Variants in CHSY3 observed in about 807,000 individuals in gnomAD.
CHSY3 encodes the protein chondroitin sulfate synthase 3.
A neutral mutation model predicts 67.2 loss-of-function variants in CHSY3; 35 were observed. The observed-to-expected ratio is 0.52, with a 90% CI of 0.40 to 0.69. The LOEUF is 0.69. Among genes scored for constraint, CHSY3 ranks in the 30% least tolerant of loss-of-function variants. The pLI is 0.00. For missense variants in CHSY3, 1,069 were observed against 1,138.5 expected, an observed-to-expected ratio of 0.94 and a Z score of 0.88; for synonymous variants, 474 against 434.7, an observed-to-expected ratio of 1.09 and a Z score of -1.12.
intron 2 of CHSY3, among the ~76,000 whole-genome samples, chr5:129,999,251 A>T (rs942827704): frequency 5.3e-5 from 8 of 151,872 alleles, no homozygotes; most frequent in Non-Finnish European, 8.8e-5. Flanking sequence ...ATACATATAC[A>T]CCCAACCTTT....
intron 2 of CHSY3, among the ~76,000 whole-genome samples, chr5:130,143,348 G>T (rs981875672): frequency 1.3e-5 from 2 of 152,052 alleles, no homozygotes; most frequent in Admixed American, 6.6e-5. Flanking sequence ...ATGAGACAAA[G>T]GGATTTTTAA....
chr5:130,147,441 A>T (rs750318611), intron 2 of CHSY3, among the ~76,000 whole-genome samples: 3 of 152,194 alleles, frequency 2.0e-5, no homozygotes, highest in Non-Finnish European at 4.4e-5. Flanking sequence ...TCATAGAAAG[A>T]TTAAATGCCT....
intron 2 of CHSY3, among the ~76,000 whole-genome samples, chr5:130,061,885 A>G (rs965238396): frequency 4.7e-5 from 7 of 148,026 alleles, no homozygotes; most frequent in African/African-American, 1.9e-4. Context: ...GGCTATTATT[A>G]AAAAGTCAAA....
At chr5:130,143,792 A>G (rs1317365866) in intron 2 of CHSY3, among the ~76,000 whole-genome samples, 16 of 88,272 alleles carry the variant, frequency 1.8e-4, no homozygotes, top group African/African-American at 6.8e-4. Flanking sequence ...GTGTATATAT[A>G]TATATATATA....
At position 130,148,214 on chromosome 5, in the gene CHSY3, T is replaced by G. The variant is rs1252830176; in HGVS notation, c.1087-36015T>G. On this transcript the variant is annotated intron_variant, in intron 2 of 2. Transcript: ENST00000305031. ...TGGTCTCTAGCTCCGTTCATGTTCC[T>G]GCAAAGTACATGATCCCATTCTTTT... 2.0e-5 allele frequency among the ~76,000 whole-genome samples: 3 copies of G among 152,228 alleles called. No individual in the cohort carries two copies. In the East Asian group the frequency reaches 5.8e-4, roughly 29 times the overall value.
At chr5:130,149,873 C>A (rs899507748) in intron 2 of CHSY3, among the ~76,000 whole-genome samples, 5 of 152,014 alleles carry the variant, frequency 3.3e-5, no homozygotes, top group African/African-American at 1.2e-4. Context: ...ATGAATTATG[C>A]TTGAAAATTT....
At chr5:130,148,348 C>T (rs148960475) in intron 2 of CHSY3, among the ~76,000 whole-genome samples, 20 of 152,140 alleles carry the variant, frequency 1.3e-4, no homozygotes, top group Admixed American at 2.6e-4. Context: ...TTAATAGTGC[C>T]GCAGTGAACA....
intron 2 of CHSY3, among the ~76,000 whole-genome samples, chr5:130,132,184 C>G (rs1768504091): frequency 6.6e-6 from 1 of 152,070 alleles, no homozygotes; most frequent in Admixed American, 6.6e-5. Context: ...TCTTGTAAAC[C>G]CAGAGTGTCT....
intron 2 of CHSY3, among the ~76,000 whole-genome samples, chr5:130,045,669 C>A (rs753482982): frequency 6.6e-6 from 1 of 152,000 alleles, no homozygotes; most frequent in African/African-American, 2.4e-5. Context: ...ATGCCATTGC[C>A]CTGGAACTAC....
chr5:129,905,746 G>C, intron 1 of CHSY3, 115 bp downstream of exon 1: 1 of 1,517,698 alleles, frequency 6.6e-7, no homozygotes, highest in Non-Finnish European at 8.8e-7. Context: ...CGTGCTTCGG[G>C]CTCCCACAGG....
intron 2 of CHSY3, among the ~76,000 whole-genome samples, chr5:130,082,858 G>T (rs1339531171): frequency 6.6e-6 from 1 of 151,338 alleles, no homozygotes; most frequent in African/African-American, 2.4e-5. Context: ...CTATATATAT[G>T]TGTGTATATA....
chr5:129,985,831 A>G (rs567314918), intron 2 of CHSY3, among the ~76,000 whole-genome samples: 2 of 151,994 alleles, frequency 1.3e-5, no homozygotes, highest in African/African-American at 2.4e-5. Flanking sequence ...CTTGGACATT[A>G]TTGGTATATA....
intron 2 of CHSY3, among the ~76,000 whole-genome samples, chr5:130,049,417 T>C (rs1471842093): frequency 6.6e-6 from 1 of 152,098 alleles, no homozygotes; most frequent in Non-Finnish European, 1.5e-5. Context: ...CCCCTTTTAT[T>C]TTTCCCACAG....
At chr5:130,147,790 G>A (rs1325640856) in intron 2 of CHSY3, among the ~76,000 whole-genome samples, 1 of 152,140 alleles carries the variant, frequency 6.6e-6, no homozygotes, top group Non-Finnish European at 1.5e-5. Context: ...GTAGGGGTAA[G>A]ATAATACACA....
At chr5:130,178,914 G>A (rs1770160259) in intron 2 of CHSY3, among the ~76,000 whole-genome samples, 1 of 152,156 alleles carries the variant, frequency 6.6e-6, no homozygotes, top group Non-Finnish European at 1.5e-5. Flanking sequence ...TCCAGTAAGG[G>A]TTTCTAAGGT....
chr5:130,055,309 A>G (rs1005321210), intron 2 of CHSY3, among the ~76,000 whole-genome samples: 5 of 149,542 alleles, frequency 3.3e-5, no homozygotes, highest in Admixed American at 6.7e-5. Context: ...GTTTTGAACT[A>G]TGGATATGGA....
At chr5:129,966,743 C>G (rs1377535295) in intron 2 of CHSY3, among the ~76,000 whole-genome samples, 4 of 151,520 alleles carry the variant, frequency 2.6e-5, no homozygotes, top group African/African-American at 7.3e-5. Flanking sequence ...AGGAAAGACT[C>G]TCACCTACTG....
intron 2 of CHSY3, among the ~76,000 whole-genome samples, chr5:130,013,940 G>T (rs1373123149): frequency 6.6e-6 from 1 of 152,150 alleles, no homozygotes; most frequent in Non-Finnish European, 1.5e-5. Context: ...CCTCTTGAAT[G>T]CTTTGCAGTT....
At chr5:130,123,769 C>T (rs1330892054) in intron 2 of CHSY3, among the ~76,000 whole-genome samples, 1 of 151,990 alleles carries the variant, frequency 6.6e-6, no homozygotes, top group African/African-American at 2.4e-5. Flanking sequence ...AAGAAGTAAA[C>T]AGTTCTGGCC....
Sources: allele counts gnomAD v4.1 joint callset (sites outside exome capture counted in the v4.1 genomes callset), GRCh38; gene constraint gnomAD v4.1.1; transcripts MANE v1.5; gene names NCBI Gene and HGNC (gene_info 2026-07-23, HGNC 2026-07-21).